C12orf56: variants seen among roughly 807,000 people sequenced by gnomAD.
C12orf56 encodes the protein uncharacterized protein C12orf56.
Under a neutral mutation model 69.9 loss-of-function variants are expected in C12orf56, and 71 were observed. That is an observed-to-expected ratio of 1.02 (90% CI 0.84 to 1.24). C12orf56 has a LOEUF of 1.24. C12orf56 is among the 50% of genes most tolerant of loss of function. The pLI, the probability that C12orf56 is intolerant of heterozygous loss-of-function variation, is 0.00. For missense variants in C12orf56, 732 were observed against 738.5 expected, an observed-to-expected ratio of 0.99 and a Z score of 0.10; for synonymous variants, 276 against 274.1, an observed-to-expected ratio of 1.01 and a Z score of -0.07.
Position 64,375,607 on chromosome 12 carries a change from C to T in C12orf56, c.252+14707G>A, listed in dbSNP as rs114364148. On this transcript the variant is annotated intron_variant, in intron 1 of 12. Transcript: ENST00000543942. ...ATAGAGGCTGGCCATTGGAAGCTGA[C>T]AATAACAAATTAAGAGCAATCATCA... Among the ~76,000 whole-genome samples the T allele has an allele frequency of 7.3e-3, 1,106 of 152,242 alleles. 14 individuals carry two copies. Among genetic ancestry groups the T allele is most frequent in the African/African-American group, 0.025 (1,022 of 41,540 alleles).
chr12:64,334,173 C>T lies in C12orf56; in HGVS notation c.416-3141G>A, dbSNP rs943708003. On this transcript the variant is annotated intron_variant, in intron 2 of 12. Transcript: ENST00000543942. ...AATAATACATCTGCTTTCTCTATTGCAAGGGGTTCAATTATATTCATAAAG... is the reference window on the plus strand; with the variant it reads ...AATAATACATCTGCTTTCTCTATTGTAAGGGGTTCAATTATATTCATAAAG... 3.9e-5 allele frequency among the ~76,000 whole-genome samples: 6 copies of T among 152,278 alleles called. No individual in the cohort carries two copies. The South Asian group carries it at 1.2e-3, about 32-fold the overall frequency.
intron 1 of C12orf56, among the ~76,000 whole-genome samples, chr12:64,381,883 G>A (rs1348148083): frequency 1.3e-5 from 2 of 152,192 alleles, no homozygotes; most frequent in Non-Finnish European, 2.9e-5. Context: ...GGAAAACCAA[G>A]GAGGAATGGA....
intron 3 of C12orf56, 157 bp from the exon 4 acceptor site, chr12:64,319,137 G>T: frequency 1.6e-6 from 1 of 623,824 alleles, no homozygotes; most frequent in Non-Finnish European, 2.6e-6. Flanking sequence ...ATAACCCATT[G>T]ACTAGAGGAG....
At chr12:64,280,469 C>T (rs2038107194) in intron 8 of C12orf56, among the ~76,000 whole-genome samples, 1 of 152,120 alleles carries the variant, frequency 6.6e-6, no homozygotes. Flanking sequence ...AGAAATCTAA[C>T]GTGGCTTCCA....
At chr12:64,356,170 C>CAAAAAAAAAAAAAA (rs761289428) in intron 1 of C12orf56, among the ~76,000 whole-genome samples, 1 of 48,434 alleles carries the variant, frequency 2.1e-5, no homozygotes, top group Non-Finnish European at 3.9e-5. Context: ...GACTCCATCT[C>CAAAAAAAAAAAAAA]AAAAAAAAAA....
intron 6 of C12orf56, among the ~76,000 whole-genome samples, chr12:64,294,940 G>A (rs556064075): frequency 4.7e-5 from 7 of 150,500 alleles, no homozygotes; most frequent in South Asian, 2.1e-4. Flanking sequence ...TTGCTCTGTC[G>A]CCCAGGCTGG....
intron 6 of C12orf56, among the ~76,000 whole-genome samples, chr12:64,303,151 G>A (rs2136804264): frequency 1.3e-5 from 2 of 151,980 alleles, no homozygotes; most frequent in Middle Eastern, 6.8e-3. Context: ...GTGGGCGCCT[G>A]TAATCCCAGC....
rs573490096 is a variant in C12orf56, at chr12:64,285,173, G to A, written c.1221-420C>T. ...ATGCACTCCCTCTGAGGGACAGAGT[G>A]AGAACTTTTCTAAAAAAAAAAAAAA... On this transcript the variant is annotated intron_variant, in intron 7 of 12. Transcript: ENST00000543942. 9.9e-4 allele frequency among the ~76,000 whole-genome samples: 114 copies of A among 115,032 alleles called. 1 individual carries two copies. Among genetic ancestry groups the A allele is most frequent in the Non-Finnish European group, 2.0e-3 (109 of 55,696 alleles). 75.5% of individuals were successfully genotyped at this position (115,032 alleles called of 152,430 possible).
intron 7 of C12orf56, 65 bp downstream of exon 7, chr12:64,285,889 C>T: frequency 9.8e-7 from 1 of 1,015,334 alleles, no homozygotes; most frequent in South Asian, 1.8e-5. Flanking sequence ...TGTCCAGTGT[C>T]TTCCATTTAT....
intron 1 of C12orf56, among the ~76,000 whole-genome samples, chr12:64,382,610 C>T (rs1450795725): frequency 6.6e-6 from 1 of 152,126 alleles, no homozygotes; most frequent in East Asian, 1.9e-4. Context: ...CACGGTGGCT[C>T]ACACCTGTAA....
chr12:64,266,846 A>G lies in C12orf56; in HGVS notation c.*337T>C, dbSNP rs2037924212. On this transcript the variant is annotated 3_prime_UTR_variant, in exon 13 of 13. Coordinates refer to ENST00000543942, the MANE Select transcript of C12orf56 (RefSeq NM_001170633.2). ...GCTAAGGTGGAAGAGAAGTGAGTAC[A>G]GCTTTCCTAAATCCCTGCATTCCTT... The G allele has an allele frequency of 3.1e-6, 1 of 318,764 alleles. No homozygotes were observed. The highest frequency in any genetic ancestry group is 5.7e-6 in the Non-Finnish European group (1 of 175,764). The allele number at this position is 318,764 out of a possible 1,614,324, so 19.7% of individuals were successfully genotyped here. A position where few individuals can be genotyped will look rare whatever the true frequency, so the allele number is the denominator to read the frequency against.
chr12:64,335,728 G>A (rs1341881781), intron 2 of C12orf56, among the ~76,000 whole-genome samples: 2 of 152,190 alleles, frequency 1.3e-5, no homozygotes, highest in African/African-American at 4.8e-5. Flanking sequence ...ATTCAGAAAA[G>A]TTGGGTCTAA....
At chr12:64,282,378 A>C (rs145766456) in intron 8 of C12orf56, among the ~76,000 whole-genome samples, 1 of 152,232 alleles carries the variant, frequency 6.6e-6, no homozygotes, top group African/African-American at 2.4e-5. Context: ...TTGGGCTACA[A>C]TGGCAGAACT....
At chr12:64,313,461 CAA>C (rs936902601) in intron 4 of C12orf56, among the ~76,000 whole-genome samples, 5 of 151,648 alleles carry the variant, frequency 3.3e-5, no homozygotes, top group African/African-American at 1.2e-4. Flanking sequence ...GCAGGTGGAT[CAA>C]AAGAGTCCAG....
intron 1 of C12orf56, among the ~76,000 whole-genome samples, chr12:64,358,476 A>ATCATCATC (rs1565773410): frequency 2.3e-3 from 48 of 21,148 alleles, no homozygotes; most frequent in African/African-American, 3.7e-3. Flanking sequence ...TAATAATAAT[A>ATCATCATC]ATAATAATCA....
At chr12:64,336,534 G>A (rs115965543) in intron 2 of C12orf56, among the ~76,000 whole-genome samples, 3,005 of 152,188 alleles carry the variant, frequency 0.02, 95 homozygotes, top group African/African-American at 0.067. Flanking sequence ...TGCATTTAAG[G>A]CAACCAACAC....
chr12:64,310,186 T>C (rs2038588749), intron 5 of C12orf56, among the ~76,000 whole-genome samples: 1 of 151,946 alleles, frequency 6.6e-6, no homozygotes, highest in Non-Finnish European at 1.5e-5. Flanking sequence ...TTAAATTTTT[T>C]TGTAGAGATG....
At chr12:64,324,521 A>G (rs764547959) in intron 3 of C12orf56, among the ~76,000 whole-genome samples, 3 of 152,204 alleles carry the variant, frequency 2.0e-5, no homozygotes, top group Non-Finnish European at 4.4e-5. Context: ...TAAGAGGGGT[A>G]AGAAGTTCAA....
intron 2 of C12orf56, among the ~76,000 whole-genome samples, chr12:64,336,512 C>G (rs2038998644): frequency 6.6e-6 from 1 of 152,002 alleles, no homozygotes; most frequent in Non-Finnish European, 1.5e-5. Flanking sequence ...TGCTTGTGGA[C>G]AAGGATAAAT....
Sources: gnomAD v4.1 joint callset for allele counts (sites outside exome capture counted in the v4.1 genomes callset) on GRCh38, gnomAD v4.1.1 for gene constraint, MANE v1.5 for transcripts, NCBI Gene and HGNC (gene_info 2026-07-23, HGNC 2026-07-21) for gene names.